VAV3: variants seen among roughly 807,000 people sequenced by gnomAD.
The protein encoded by VAV3 is guanine nucleotide exchange factor VAV3.
Under a neutral mutation model 131.2 loss-of-function variants are expected in VAV3, and 94 were observed. The observed-to-expected ratio is 0.72, with a 90% CI of 0.61 to 0.85. VAV3 has a LOEUF of 0.85. Among genes scored for constraint, VAV3 ranks in the 40% least tolerant of loss-of-function variants. The probability of loss-of-function intolerance (pLI) is 0.00; values close to 1 mark genes in which losing one functional copy is unlikely to be tolerated. For missense variants in VAV3, 939 were observed against 1,002.7 expected, an observed-to-expected ratio of 0.94 and a Z score of 0.86; for synonymous variants, 349 against 342.0, an observed-to-expected ratio of 1.02 and a Z score of -0.22.
intron 2 of VAV3, among the ~76,000 whole-genome samples, chr1:107,792,160 A>T (rs1311858445): frequency 2.0e-5 from 3 of 152,208 alleles, no homozygotes; most frequent in African/African-American, 7.2e-5. Flanking sequence ...CCTGTGAACA[A>T]CTACAGCATC....
intron 21 of VAV3, 43 bp from the exon 22 acceptor site, chr1:107,610,008 G>T (rs2296877): frequency 0.16 from 254,011 of 1,583,676 alleles, 21,818 homozygotes; most frequent in East Asian, 0.31. Context: ...TTACATAAGG[G>T]AAGCTTTTAG....
chr1:107,901,153 C>G (rs1671838926), intron 1 of VAV3, among the ~76,000 whole-genome samples: 1 of 152,104 alleles, frequency 6.6e-6, no homozygotes, highest in Admixed American at 6.5e-5. Flanking sequence ...AGCTGGGGAG[C>G]TGCTATGTCC....
intron 20 of VAV3, among the ~76,000 whole-genome samples, chr1:107,626,631 A>T (rs1654036550): frequency 1.3e-5 from 2 of 152,192 alleles, no homozygotes; most frequent in Non-Finnish European, 2.9e-5. Context: ...AGCCAAGATG[A>T]ACAGCGGGAC....
At chr1:107,963,953 C>T (rs190666981) in intron 1 of VAV3, among the ~76,000 whole-genome samples, 51 of 152,334 alleles carry the variant, frequency 3.3e-4, no homozygotes, top group Middle Eastern at 6.8e-3. Flanking sequence ...CCGACCGGCA[C>T]CACAGCACCT....
intron 2 of VAV3, among the ~76,000 whole-genome samples, chr1:107,779,737 TG>T (rs1368163115): frequency 2.0e-5 from 3 of 152,154 alleles, no homozygotes; most frequent in Non-Finnish European, 4.4e-5. Flanking sequence ...CCATTTGAGT[TG>T]CAGATTCTAT....
chr1:107,945,517 T>G (rs1208203482), intron 1 of VAV3, among the ~76,000 whole-genome samples: 1 of 152,076 alleles, frequency 6.6e-6, no homozygotes, highest in Non-Finnish European at 1.5e-5. Context: ...TCGTGAAGCT[T>G]AGATCTAGTA....
At chr1:107,585,175 T>A (rs1053464215) in intron 25 of VAV3, among the ~76,000 whole-genome samples, 3 of 152,210 alleles carry the variant, frequency 2.0e-5, no homozygotes, top group African/African-American at 7.2e-5. Flanking sequence ...GAATTATTCT[T>A]AAGTCTTCTA....
chr1:107,637,128 A>G (rs934769867), intron 20 of VAV3, among the ~76,000 whole-genome samples: 3 of 152,186 alleles, frequency 2.0e-5, no homozygotes, highest in Non-Finnish European at 2.9e-5. Flanking sequence ...GATATCGGGA[A>G]TGAGATGGAT....
At chr1:107,863,064 T>C (rs917188283) in intron 2 of VAV3, among the ~76,000 whole-genome samples, 1 of 152,154 alleles carries the variant, frequency 6.6e-6, no homozygotes, top group Non-Finnish European at 1.5e-5. Flanking sequence ...TTGTAAAATA[T>C]ACATAAATTA....
chr1:107,944,602 TTTTG>T (rs546614216), intron 1 of VAV3, among the ~76,000 whole-genome samples: 9 of 152,132 alleles, frequency 5.9e-5, no homozygotes, highest in Middle Eastern at 3.4e-3. Context: ...AAACGCAGTT[TTTTG>T]TTTGTTTGTT....
intron 1 of VAV3, among the ~76,000 whole-genome samples, chr1:107,907,409 CTTT>C (rs1672159310): frequency 3.3e-5 from 5 of 152,068 alleles, no homozygotes; most frequent in Admixed American, 3.3e-4. Flanking sequence ...TAATATATTC[CTTT>C]TTAACACAAA....
chr1:107,841,702 C>T (rs2100924175), intron 2 of VAV3, among the ~76,000 whole-genome samples: 1 of 152,250 alleles, frequency 6.6e-6, no homozygotes, highest in South Asian at 2.1e-4. Context: ...GCTAAAATGA[C>T]TAAATGACTG....
rs1205933131 is a variant in VAV3 at position 107,572,606 on chromosome 1, G to T, written c.*725C>A. ...CTATGAAATCATGAAGGTTGTGAAG[G>T]TTTAATATGAAGACACCCTCTCTTT... is the stretch of plus-strand genomic sequence containing the variant. On this transcript the variant is annotated 3_prime_UTR_variant, in exon 27 of 27. Transcript: ENST00000370056. 1 of 152,532 alleles carries T rather than the reference G, an allele frequency of 6.6e-6. No individual in the cohort carries two copies. Among genetic ancestry groups the T allele is most frequent in the Non-Finnish European group, 1.5e-5 (1 of 68,034 alleles). The allele number at this position is 152,532 out of a possible 1,614,324, so 9.4% of individuals were successfully genotyped here.
intron 2 of VAV3, among the ~76,000 whole-genome samples, chr1:107,819,072 T>C (rs1194698636): frequency 1.3e-5 from 2 of 152,164 alleles, no homozygotes; most frequent in Non-Finnish European, 2.9e-5. Context: ...AAAAAAAATA[T>C]AAGCTTTGAA....
chr1:107,579,073 G>C (rs1385771333), intron 25 of VAV3, among the ~76,000 whole-genome samples: 1 of 152,052 alleles, frequency 6.6e-6, no homozygotes, highest in Non-Finnish European at 1.5e-5. Flanking sequence ...AGAATATCAG[G>C]GTGCTAGCCC....
chr1:107,583,741 C>T (rs1650260754), intron 25 of VAV3, among the ~76,000 whole-genome samples: 1 of 151,848 alleles, frequency 6.6e-6, no homozygotes, highest in African/African-American at 2.4e-5. Flanking sequence ...AACCACTGCT[C>T]AATGAAATAA....
chr1:107,774,232 A>T (rs1161184497), intron 4 of VAV3, among the ~76,000 whole-genome samples: 1 of 151,848 alleles, frequency 6.6e-6, no homozygotes. Context: ...ATGCCCAGTT[A>T]ATTTTTGTAT....
At chr1:107,681,078 T>C (rs1658570770) in intron 19 of VAV3, among the ~76,000 whole-genome samples, 1 of 152,120 alleles carries the variant, frequency 6.6e-6, no homozygotes, top group South Asian at 2.1e-4. Context: ...ATAGAGAATA[T>C]ATATAATATA....
intron 2 of VAV3, among the ~76,000 whole-genome samples, chr1:107,815,072 T>C (rs998253599): frequency 3.3e-5 from 5 of 152,328 alleles, no homozygotes; most frequent in South Asian, 2.1e-4. Context: ...AGAAAACTCA[T>C]GTTATTGAAA....
Sources: allele counts gnomAD v4.1 joint callset (sites outside exome capture counted in the v4.1 genomes callset), GRCh38; gene constraint gnomAD v4.1.1; transcripts MANE v1.5; gene names NCBI Gene and HGNC (gene_info 2026-07-23, HGNC 2026-07-21).